The following COG5 variants were observed in gnomAD, a reference collection of about 807,000 sequenced individuals.
COG5 encodes the protein conserved oligomeric Golgi complex subunit 5.
Under a neutral mutation model 110.4 loss-of-function variants are expected in COG5, and 86 were observed. The observed-to-expected ratio is 0.78, with a 90% confidence interval of 0.65 to 0.93. COG5 has a LOEUF of 0.93. COG5 is among the 40% of genes least tolerant of loss of function. COG5 has a pLI of 0.00. For synonymous variants in COG5, 360 were observed against 334.6 expected (o/e 1.08, Z -0.83); for missense variants, 1,077 against 987.0 (o/e 1.09, Z -1.22).
intron 6 of COG5, among the ~76,000 whole-genome samples, chr7:107,512,847 T>C (rs1305844982): frequency 1.6e-3 from 247 of 151,154 alleles, no homozygotes; most frequent in African/African-American, 5.7e-3. Context: ...TAGCCATATG[T>C]AGAAAGCTGA....
intron 7 of COG5, among the ~76,000 whole-genome samples, chr7:107,380,192 T>A (rs1584751550): frequency 6.6e-6 from 1 of 151,910 alleles, no homozygotes; most frequent in Non-Finnish European, 1.5e-5. Context: ...TAGAGGGAAA[T>A]TTCTCATAGG....
intron 7 of COG5, among the ~76,000 whole-genome samples, chr7:107,403,905 T>TTAC (rs1791623331): frequency 1.3e-5 from 2 of 152,028 alleles, no homozygotes; most frequent in South Asian, 4.2e-4. Context: ...GACTCTATTA[T>TTAC]TATTATTATT....
intron 10 of COG5, among the ~76,000 whole-genome samples, chr7:107,339,211 A>C (rs1810973757): frequency 6.6e-6 from 1 of 152,156 alleles, no homozygotes; most frequent in South Asian, 2.1e-4. Flanking sequence ...AAAAAAGAGC[A>C]GAGGTCACTG....
chr7:107,497,335 A>T (rs1323777019), intron 6 of COG5, among the ~76,000 whole-genome samples: 1 of 152,212 alleles, frequency 6.6e-6, no homozygotes, highest in South Asian at 2.1e-4. Context: ...AGGCATTCAA[A>T]TCAAAAGGAA....
chr7:107,421,123 T>C (rs1023870133), intron 6 of COG5, among the ~76,000 whole-genome samples: 3 of 152,196 alleles, frequency 2.0e-5, no homozygotes, highest in Non-Finnish European at 2.9e-5. Flanking sequence ...TTTTTCCTTT[T>C]TTCCTGACTT....
intron 6 of COG5, among the ~76,000 whole-genome samples, chr7:107,494,895 T>C (rs1322201149): frequency 1.3e-5 from 2 of 151,596 alleles, no homozygotes; most frequent in Non-Finnish European, 2.9e-5. Flanking sequence ...GCAGGCAGAG[T>C]AGTTATTTCA....
rs577105959 is a variant in COG5 at position 107,354,222 on chromosome 7, G to A, written c.1026+7811C>T. Among the ~76,000 whole-genome samples, 69 of 152,266 alleles carry A rather than the reference G, an allele frequency of 4.5e-4. 1 individual carries two copies. The highest frequency in any genetic ancestry group is 1.6e-3 in the African/African-American group (67 of 41,564). Reference sequence around the variant, plus strand: ...GACATTAGTTTATTTAAGGAAGCATGATCAATAATTTAAATTTCTGATACT... The same window carrying A: ...GACATTAGTTTATTTAAGGAAGCATAATCAATAATTTAAATTTCTGATACT... On this transcript the variant is annotated intron_variant, in intron 10 of 21. Coordinates refer to ENST00000297135, the MANE Select transcript of COG5 (RefSeq NM_006348.5).
intron 10 of COG5, among the ~76,000 whole-genome samples, chr7:107,361,710 T>C (rs1451129960): frequency 1.3e-5 from 2 of 152,158 alleles, no homozygotes; most frequent in African/African-American, 2.4e-5. Context: ...TACAGGCATA[T>C]GCCACCACGC....
chr7:107,325,421 C>T (rs571268271), intron 10 of COG5, among the ~76,000 whole-genome samples: 2 of 152,250 alleles, frequency 1.3e-5, no homozygotes, highest in East Asian at 1.9e-4. Context: ...GAGGCCAAGG[C>T]GGATGGATTA....
chr7:107,447,356 C>T (rs1053870036), intron 6 of COG5, among the ~76,000 whole-genome samples: 7 of 152,296 alleles, frequency 4.6e-5, no homozygotes, highest in Admixed American at 1.3e-4. Context: ...GTCTCTTTCA[C>T]CACATAATGT....
At chr7:107,445,750 T>G (rs929644248) in intron 6 of COG5, among the ~76,000 whole-genome samples, 7 of 152,232 alleles carry the variant, frequency 4.6e-5, no homozygotes, top group African/African-American at 1.7e-4. Context: ...AGTAGTTGAA[T>G]AGTGATACTG....
At chr7:107,483,433 T>A (rs552019271) in intron 6 of COG5, among the ~76,000 whole-genome samples, 10 of 152,250 alleles carry the variant, frequency 6.6e-5, no homozygotes, top group African/African-American at 2.4e-4. Flanking sequence ...AGGCTGGGCA[T>A]GGTGGCACAT....
At chr7:107,553,947 T>C (rs1328898289) in intron 3 of COG5, among the ~76,000 whole-genome samples, 4 of 152,214 alleles carry the variant, frequency 2.6e-5, no homozygotes, top group African/African-American at 9.6e-5. Flanking sequence ...TAGTACACAT[T>C]ATACTCCTGT....
intron 7 of COG5, among the ~76,000 whole-genome samples, chr7:107,391,121 G>A (rs1044316849): frequency 1.3e-5 from 2 of 151,938 alleles, no homozygotes; most frequent in African/African-American, 4.8e-5. Flanking sequence ...GGTCGGCAAC[G>A]GTGATTACCT....
rs61351697 is a variant in COG5, at chr7:107,514,329, T to TACACACAC, written c.538+12900_538+12907dup. Among the ~76,000 whole-genome samples, 1,181 of 145,728 alleles carry TACACACAC rather than the reference T, an allele frequency of 8.1e-3. 23 individuals carry two copies. Among genetic ancestry groups the TACACACAC allele is most frequent in the African/African-American group, 0.026 (1,042 of 39,958 alleles). On this transcript the variant is annotated intron_variant, in intron 6 of 21. Coordinates refer to ENST00000297135, the MANE Select transcript of COG5 (RefSeq NM_006348.5). ...TTTTCTATATAAACATGGCCTATTTTACACACACACACACACACACACACA... is the reference window on the plus strand; with the variant it reads ...TTTTCTATATAAACATGGCCTATTTTACACACACACACACACACACACACACACACACA...
At chr7:107,469,510 C>G (rs887926500) in intron 6 of COG5, among the ~76,000 whole-genome samples, 1 of 151,772 alleles carries the variant, frequency 6.6e-6, no homozygotes, top group Admixed American at 6.6e-5. Context: ...GAATGAATAC[C>G]CAAATGAATG....
At chr7:107,526,148 C>T (rs1181222391) in intron 6 of COG5, among the ~76,000 whole-genome samples, 2 of 152,146 alleles carry the variant, frequency 1.3e-5, no homozygotes, top group Non-Finnish European at 2.9e-5. Flanking sequence ...ACTATTTTGG[C>T]ATAACTGCTT....
chr7:107,287,639 C>T (rs1805755017), intron 12 of COG5, among the ~76,000 whole-genome samples: 1 of 152,162 alleles, frequency 6.6e-6, no homozygotes, highest in African/African-American at 2.4e-5. Context: ...AACACTCCAC[C>T]TTCCTCACTC....
intron 5 of COG5, among the ~76,000 whole-genome samples, chr7:107,537,808 TAAATGGCC>T (rs374019861): frequency 3.3e-4 from 49 of 150,010 alleles, no homozygotes; most frequent in African/African-American, 1.2e-3. Flanking sequence ...GGAAGATACA[TAAATGGCC>T]AAAAGGCACC....
Sources: gnomAD v4.1 joint callset for allele counts (sites outside exome capture counted in the v4.1 genomes callset) on GRCh38, gnomAD v4.1.1 for gene constraint, MANE v1.5 for transcripts, NCBI Gene and HGNC (gene_info 2026-07-23, HGNC 2026-07-21) for gene names.